Variants in DIAPH3 observed in about 807,000 individuals in gnomAD.
DIAPH3 encodes the protein protein diaphanous homolog 3.
In DIAPH3, 117 loss-of-function variants were observed where a neutral mutation model predicts 144.3. The observed-to-expected ratio is 0.81, with a 90% CI of 0.70 to 0.95. The LOEUF (loss-of-function observed/expected upper bound fraction) is 0.95. Among genes scored for constraint, DIAPH3 ranks in the 40% least tolerant of loss-of-function variants. The pLI, the probability that DIAPH3 is intolerant of heterozygous loss-of-function variation, is 0.00. For missense variants in DIAPH3, 1,421 were observed against 1,412.7 expected, an observed-to-expected ratio of 1.01 and a Z score of -0.09; for synonymous variants, 519 against 488.9, an observed-to-expected ratio of 1.06 and a Z score of -0.81.
chr13:59,905,914 T>A (rs1229724387), intron 20 of DIAPH3, among the ~76,000 whole-genome samples: 1 of 152,190 alleles, frequency 6.6e-6, no homozygotes, highest in African/African-American at 2.4e-5. Flanking sequence ...TCTCCAGAAT[T>A]GTAAGATCAT....
At chr13:59,926,543 T>G (rs1160632096) in intron 17 of DIAPH3, among the ~76,000 whole-genome samples, 1 of 152,208 alleles carries the variant, frequency 6.6e-6, no homozygotes, top group Admixed American at 6.5e-5. Context: ...ATTTTTTATT[T>G]TCTTAATTTC....
chr13:59,960,963 A>G (rs931927269), intron 17 of DIAPH3, among the ~76,000 whole-genome samples: 1 of 152,192 alleles, frequency 6.6e-6, no homozygotes, highest in African/African-American at 2.4e-5. Context: ...CTTGACATTT[A>G]AGACATACAT....
chr13:59,922,830 C>T (rs1593998974), intron 18 of DIAPH3, among the ~76,000 whole-genome samples: 1 of 152,170 alleles, frequency 6.6e-6, no homozygotes, highest in African/African-American at 2.4e-5. Context: ...TTAAACAAGG[C>T]AAACAGGATC....
chr13:59,930,814 A>C (rs2047983510), intron 17 of DIAPH3, among the ~76,000 whole-genome samples: 1 of 152,190 alleles, frequency 6.6e-6, no homozygotes, highest in Non-Finnish European at 1.5e-5. Flanking sequence ...GACTGAAGGA[A>C]GTTACAGTAA....
intron 5 of DIAPH3, among the ~76,000 whole-genome samples, chr13:60,023,850 C>CTTTTTTTTTTT (rs35707483): frequency 1.5e-5 from 1 of 68,872 alleles, no homozygotes; most frequent in African/African-American, 6.1e-5. Context: ...ACTATTCAGC[C>CTTTTTTTTTTT]TTTTTTTTTT....
intron 4 of DIAPH3, among the ~76,000 whole-genome samples, chr13:60,086,084 AG>A (rs1357875151): frequency 6.6e-6 from 1 of 152,164 alleles, no homozygotes; most frequent in African/African-American, 2.4e-5. Flanking sequence ...CTATAATAAA[AG>A]AAAAGCTGTC....
Position 60,008,539 on chromosome 13 carries a change from C to T in DIAPH3, c.1014+5G>A, listed in dbSNP as rs765703699. 1.1e-5 allele frequency: 18 copies of T among 1,603,870 alleles called. No individual in the cohort carries two copies. Among genetic ancestry groups the T allele is most frequent in the African/African-American group, 2.7e-5 (2 of 74,638 alleles). On this transcript the variant is annotated splice_donor_5th_base_variant and intron_variant, in intron 9 of 27. Transcript: ENST00000400324. ...AAACAGATTTTATATACACACAAAA[C>T]TTACTTGCAGTTGAACTGAATTGTG...
At chr13:59,732,502 G>A (rs1035954848) in intron 27 of DIAPH3, among the ~76,000 whole-genome samples, 6 of 151,330 alleles carry the variant, frequency 4.0e-5, no homozygotes, top group Admixed American at 3.9e-4. Flanking sequence ...GGAGTGCAGT[G>A]GCAATCACAG....
chr13:59,829,062 C>A (rs2041627012), intron 24 of DIAPH3, among the ~76,000 whole-genome samples: 1 of 151,836 alleles, frequency 6.6e-6, no homozygotes, highest in African/African-American at 2.4e-5. Context: ...ACAAGGCTCT[C>A]ATAGAGCAAA....
chr13:60,084,949 A>C (rs558697635), intron 4 of DIAPH3, among the ~76,000 whole-genome samples: 1 of 152,160 alleles, frequency 6.6e-6, no homozygotes, highest in East Asian at 1.9e-4. Flanking sequence ...TTAGCCTATT[A>C]AGGATTTTTT....
chr13:59,707,982 CT>C (rs1668409400), intron 27 of DIAPH3, among the ~76,000 whole-genome samples: 1 of 149,196 alleles, frequency 6.7e-6, no homozygotes, highest in African/African-American at 2.5e-5. Context: ...TTTCTCTCAT[CT>C]TTAAAAAAAA....
In DIAPH3 at chr13:59,666,871, A is replaced by C. The variant is rs529667434; in HGVS notation, c.3320-25T>G. 2.5e-6 allele frequency: 4 copies of C among 1,613,892 alleles called. No homozygotes were observed. The African/African-American group carries it at 5.3e-5, about 22-fold the overall frequency. Reference sequence around the variant, plus strand: ...TCTACAGTAAGGAAAAAAGAAACATAAAACTTATCACCATGATAACCAAGG... The same window carrying C: ...TCTACAGTAAGGAAAAAAGAAACATCAAACTTATCACCATGATAACCAAGG... On this transcript the variant is annotated intron_variant, in intron 27 of 27. Coordinates refer to ENST00000400324, the MANE Select transcript of DIAPH3 (RefSeq NM_001042517.2).
At position 60,152,602 on chromosome 13, in the gene DIAPH3, T is replaced by C. The variant is rs1955555930; in HGVS notation, c.180+10985A>G. 2.0e-5 allele frequency among the ~76,000 whole-genome samples: 3 copies of C among 149,830 alleles called. No homozygotes were observed. In the South Asian group the frequency reaches 6.4e-4, roughly 32 times the overall value. On this transcript the variant is annotated intron_variant, in intron 1 of 27. Coordinates refer to ENST00000400324, the MANE Select transcript of DIAPH3 (RefSeq NM_001042517.2). The stretch of plus-strand genomic sequence containing the variant: ...AAACCCAGGAAATGAAGAGTAAAGA[T>C]TAGAAGGAGATAAAGATAAGAAGGG...
chr13:59,910,964 T>G (rs961082277), intron 20 of DIAPH3, among the ~76,000 whole-genome samples: 2 of 151,858 alleles, frequency 1.3e-5, no homozygotes, highest in African/African-American at 4.8e-5. Context: ...CAACCTGAAT[T>G]TTTAAAATTC....
chr13:60,139,488 C>A (rs920539238), intron 1 of DIAPH3, among the ~76,000 whole-genome samples: 1 of 152,154 alleles, frequency 6.6e-6, no homozygotes, highest in Non-Finnish European at 1.5e-5. Context: ...GTATCCAGAC[C>A]TCCCTGCCCC....
chr13:59,678,756 A>G (rs1042069578), intron 27 of DIAPH3, among the ~76,000 whole-genome samples: 4 of 152,212 alleles, frequency 2.6e-5, no homozygotes, highest in African/African-American at 7.2e-5. Context: ...CATCTCTAAG[A>G]AAAAGAAAGA....
intron 7 of DIAPH3, among the ~76,000 whole-genome samples, chr13:60,014,692 T>G (rs2053509380): frequency 6.6e-6 from 1 of 152,122 alleles, no homozygotes; most frequent in Non-Finnish European, 1.5e-5. Flanking sequence ...ATAATTAAAA[T>G]TAATCAGAAA....
intron 3 of DIAPH3, among the ~76,000 whole-genome samples, chr13:60,094,921 G>A (rs1460150570): frequency 6.6e-6 from 1 of 152,292 alleles, no homozygotes; most frequent in Non-Finnish European, 1.5e-5. Flanking sequence ...ATCCTGTTAC[G>A]TGAATAAGTG....
intron 2 of DIAPH3, among the ~76,000 whole-genome samples, chr13:60,115,199 G>A (rs560876972): frequency 6.6e-6 from 1 of 152,244 alleles, no homozygotes; most frequent in Admixed American, 6.5e-5. Context: ...CACAGCTACA[G>A]ACCTCAATCT....
Sources: gnomAD v4.1 joint callset for allele counts (sites outside exome capture counted in the v4.1 genomes callset) on GRCh38, gnomAD v4.1.1 for gene constraint, MANE v1.5 for transcripts, NCBI Gene and HGNC (gene_info 2026-07-23, HGNC 2026-07-21) for gene names.